Variants in TRIM62 observed in about 807,000 individuals in gnomAD.
The protein encoded by TRIM62 is tripartite motif containing 62, also known as E3 ubiquitin-protein ligase TRIM62.
Under a neutral mutation model 44.2 loss-of-function variants are expected in TRIM62, and 39 were observed. The ratio of observed to expected loss-of-function variants is 0.88; its 90% confidence interval spans 0.68 to 1.15. The LOEUF (loss-of-function observed/expected upper bound fraction) is 1.15, where lower values mean the gene tolerates loss of function less well. TRIM62 is among the 50% of genes most tolerant of loss of function. The pLI, the probability that TRIM62 is intolerant of heterozygous loss-of-function variation, is 0.00. For missense variants in TRIM62, 544 were observed against 665.5 expected (o/e 0.82, Z 2.01); for synonymous variants, 278 against 292.3 (o/e 0.95, Z 0.50).
chr1:33,173,610 AT>A (rs1254006945), intron 1 of TRIM62, among the ~76,000 whole-genome samples: 1 of 151,694 alleles, frequency 6.6e-6, no homozygotes, highest in East Asian at 1.9e-4. Context: ...TCACACTCAG[AT>A]AACCTGAGTT....
chr1:33,158,665 A>C (rs1046210089), intron 3 of TRIM62, among the ~76,000 whole-genome samples: 2 of 152,198 alleles, frequency 1.3e-5, no homozygotes, highest in African/African-American at 4.8e-5. Flanking sequence ...GTCAATGCCA[A>C]ATTCATGATC....
rs1306744515 is a variant in TRIM62 at position 33,180,776 on chromosome 1, A to G, written c.408+249T>C. Among the ~76,000 whole-genome samples, 9 of 151,116 alleles carry G rather than the reference A, an allele frequency of 6.0e-5. No homozygotes were observed. The East Asian group carries it at 1.7e-3, about 29-fold the overall frequency. On this transcript the variant is annotated intron_variant, in intron 1 of 4. Coordinates refer to ENST00000291416, the MANE Select transcript of TRIM62 (RefSeq NM_018207.3). ...TCTCCCTAACCGCGGACCAGCCGGT[A>G]CTCCAGGTCTGTCTCAGATCCCTCA...
chr1:33,159,029 G>T lies in TRIM62; in HGVS notation c.761+659C>A, dbSNP rs4045804. Among the ~76,000 whole-genome samples the T allele has an allele frequency of 6.6e-6, 1 of 151,824 alleles. No individual in the cohort carries two copies. The highest frequency in any genetic ancestry group is 1.9e-4 in the East Asian group (1 of 5,150). ...CTAATTTTTGTATTTTTTTTTAGTA[G>T]AGACGGGGTTTCACCATGTTAGTCA... is the stretch of plus-strand genomic sequence containing the variant. On this transcript the variant is annotated intron_variant, in intron 3 of 4. Transcript: ENST00000291416. The surrounding 1 kb of genome is among the most constrained non-coding windows in gnomAD (Gnocchi z 4.2).
At chr1:33,171,130 G>C (rs1266883670) in intron 1 of TRIM62, among the ~76,000 whole-genome samples, 1 of 152,096 alleles carries the variant, frequency 6.6e-6, no homozygotes, top group African/African-American at 2.4e-5. Flanking sequence ...GGGACTGACT[G>C]GCCCACGGCC....
At position 33,147,390 on chromosome 1, in the gene TRIM62, C is replaced by T. The variant is rs114280027; in HGVS notation, c.1215G>A (p.Thr405=). 79 of 1,614,170 alleles carry T rather than the reference C, an allele frequency of 4.9e-5. No homozygotes were observed. The highest frequency in any genetic ancestry group is 1.6e-4 in the African/African-American group (12 of 75,046). Residue 405 remains threonine (T), a synonymous_variant, in exon 5 of 5, where the codon ACG becomes ACA. Coordinates refer to ENST00000291416, the MANE Select transcript of TRIM62 (RefSeq NM_018207.3). This position sits in a 1 kb window ranked among gnomAD's most constrained non-coding sequence, Gnocchi z 8.1. ...NQYSACTEPW[T]RLNVRDKLDK... The stretch of plus-strand genomic sequence containing the variant: ...CAAGCTTGTCCCGGACGTTAAGCCG[C>T]GTCCAGGGCTCCGTGCAGGCGCTGT...
Position 33,177,063 on chromosome 1 carries a change from AC to A in TRIM62, c.408+3961del, listed in dbSNP as rs1315479952. ...TGCACACACACACGCACACACACACACATGCACACACACACATGCATGCACA... is the reference window on the plus strand; with the variant it reads ...TGCACACACACACGCACACACACACAATGCACACACACACATGCATGCACA... On this transcript the variant is annotated intron_variant, in intron 1 of 4. Transcript: ENST00000291416. This position sits in a 1 kb window ranked among gnomAD's most constrained non-coding sequence, Gnocchi z 4.1. Among the ~76,000 whole-genome samples the A allele has an allele frequency of 4.7e-5, 3 of 64,164 alleles. No individual in the cohort carries two copies. Among genetic ancestry groups the A allele is most frequent in the Non-Finnish European group, 7.1e-5 (2 of 28,124 alleles). 42.1% of individuals were successfully genotyped at this position (64,164 alleles called of 152,430 possible). A position where few individuals can be genotyped will look rare whatever the true frequency, so the allele number is the denominator to read the frequency against.
At position 33,181,766 on chromosome 1, in the gene TRIM62, G is replaced by A; in HGVS notation, c.-334C>T. ...GGGGGCGGGGCAGTCCTAAGGGATA[G>A]GAGCTGGGAGAAGGGGATCCCGGAG... On this transcript the variant is annotated 5_prime_UTR_variant, in exon 1 of 5. Coordinates refer to ENST00000291416, the MANE Select transcript of TRIM62 (RefSeq NM_018207.3). The surrounding 1 kb of genome is among the most constrained non-coding windows in gnomAD (Gnocchi z 6.5). 1 of 289,996 alleles carries A rather than the reference G, an allele frequency of 3.4e-6. No individual in the cohort carries two copies. The highest frequency in any genetic ancestry group is 6.5e-6 in the Non-Finnish European group (1 of 154,908). The allele number at this position is 289,996 out of a possible 1,614,324, so 18.0% of individuals were successfully genotyped here. A position where few individuals can be genotyped will look rare whatever the true frequency, so the allele number is the denominator to read the frequency against.
At chr1:33,154,044 A>C (rs1305434702) in intron 4 of TRIM62, among the ~76,000 whole-genome samples, 1 of 152,226 alleles carries the variant, frequency 6.6e-6, no homozygotes, top group Non-Finnish European at 1.5e-5. Flanking sequence ...AAGGAGAGTA[A>C]GAGTTGGCCA....
rs1164429146 is a variant in TRIM62 at position 33,159,741 on chromosome 1, C to T, written c.708G>A (p.Leu236=). 2 of 1,612,802 alleles carry T rather than the reference C, an allele frequency of 1.2e-6. No individual in the cohort carries two copies. Among genetic ancestry groups the T allele is most frequent in the Non-Finnish European group, 1.7e-6 (2 of 1,179,782 alleles). The part of the protein sequence containing the change: ...QEGAQILQER[L]AETDRHTFLA... ...GGAAGGTGTGCCGGTCGGTTTCAGC[C>T]AGCCGCTCCTGCAGGATCTGGGCTC... is the stretch of plus-strand genomic sequence containing the variant. Residue 236 remains leucine, a synonymous_variant, in exon 3 of 5, where the codon CTG becomes CTA. Coordinates refer to ENST00000291416, the MANE Select transcript of TRIM62 (RefSeq NM_018207.3). The surrounding 1 kb of genome is among the most constrained non-coding windows in gnomAD (Gnocchi z 4.2).
Position 33,158,238 on chromosome 1 carries a change from T to TA in TRIM62, c.877+14dup, listed in dbSNP as rs1645209087. The TA allele has an allele frequency of 6.2e-7, 1 of 1,606,744 alleles. No individual in the cohort carries two copies. The highest frequency in any genetic ancestry group is 1.1e-5 in the South Asian group (1 of 90,938). ...TGCCCCACCTAGCTCTGGACCATGA[T>TA]AACCCATGCCTTACCTGGGTGGATG... On this transcript the variant is annotated intron_variant, in intron 4 of 4. Transcript: ENST00000291416.
At chr1:33,176,684 C>T (rs1645422116) in intron 1 of TRIM62, 1 of 410,078 alleles carries the variant, frequency 2.4e-6, no homozygotes, top group African/African-American at 2.0e-5. Context: ...AGACAATTAC[C>T]CAGCCCTCAG....
intron 4 of TRIM62, among the ~76,000 whole-genome samples, chr1:33,156,708 T>G (rs1328237920): frequency 2.6e-5 from 4 of 152,330 alleles, no homozygotes; most frequent in Non-Finnish European, 5.9e-5. Context: ...CTGACCTTCC[T>G]TTTGTATTGC....
At chr1:33,153,450 T>A (rs1399933524) in intron 4 of TRIM62, among the ~76,000 whole-genome samples, 1 of 152,166 alleles carries the variant, frequency 6.6e-6, no homozygotes, top group African/African-American at 2.4e-5. Flanking sequence ...TCCAGAGACA[T>A]TTTTGGTTGT....
In TRIM62 at chr1:33,165,291, G is replaced by T; in HGVS notation, c.504+180C>A. 1.8e-6 allele frequency: 1 copy of T among 546,678 alleles called. No homozygotes were observed. Among genetic ancestry groups the T allele is most frequent in the Non-Finnish European group, 3.2e-6 (1 of 309,202 alleles). 33.9% of individuals were successfully genotyped at this position (546,678 alleles called of 1,614,324 possible). ...ATGATGGGGTGGGTGCCGCCCCATT[G>T]AACTTCACGGATGCCCTACCCTCTT... On this transcript the variant is annotated intron_variant, in intron 2 of 4. Coordinates refer to ENST00000291416, the MANE Select transcript of TRIM62 (RefSeq NM_018207.3). This position sits in a 1 kb window ranked among gnomAD's most constrained non-coding sequence, Gnocchi z 4.0.
chr1:33,157,092 C>G (rs1377602850), intron 4 of TRIM62, among the ~76,000 whole-genome samples: 3 of 151,942 alleles, frequency 2.0e-5, no homozygotes, highest in Admixed American at 2.0e-4. Context: ...TAAACCAGTT[C>G]ACGTCACTTC....
At position 33,161,430 on chromosome 1, in the gene TRIM62, A is replaced by G. The variant is rs1645265417; in HGVS notation, c.505-1486T>C. 6.6e-6 allele frequency among the ~76,000 whole-genome samples: 1 copy of G among 152,142 alleles called. No homozygotes were observed. Among genetic ancestry groups the G allele is most frequent in the Non-Finnish European group, 1.5e-5 (1 of 68,014 alleles). On this transcript the variant is annotated intron_variant, in intron 2 of 4. Transcript: ENST00000291416. This position sits in a 1 kb window ranked among gnomAD's most constrained non-coding sequence, Gnocchi z 4.3. Reference sequence around the variant, plus strand: ...CTGGCTGGGAGTTCATGGAGTCAGAAACCCCACTGTGTTCAGTGCCCAGGG... The same window carrying G: ...CTGGCTGGGAGTTCATGGAGTCAGAGACCCCACTGTGTTCAGTGCCCAGGG...
intron 4 of TRIM62, among the ~76,000 whole-genome samples, chr1:33,157,031 C>T (rs760859570): frequency 2.0e-5 from 3 of 149,640 alleles, no homozygotes; most frequent in Non-Finnish European, 4.5e-5. Context: ...CCATCCTTCA[C>T]CCCCTTCGGT....
At chr1:33,158,578 A>G (rs1645214191) in intron 3 of TRIM62, among the ~76,000 whole-genome samples, 1 of 152,208 alleles carries the variant, frequency 6.6e-6, no homozygotes, top group South Asian at 2.1e-4. Flanking sequence ...GTGCTATGCT[A>G]GCATCAGCCT....
chr1:33,175,164 G>A (rs573708898), intron 1 of TRIM62, among the ~76,000 whole-genome samples: 48 of 151,518 alleles, frequency 3.2e-4, no homozygotes, highest in African/African-American at 1.1e-3. Context: ...TCAGCCTCCC[G>A]AGTAGCTGGG....
Sources: gnomAD v4.1 joint callset for allele counts (sites outside exome capture counted in the v4.1 genomes callset) on GRCh38, gnomAD v4.1.1 for gene constraint, Gnocchi (gnomAD v3.1) non-coding constraint, MANE v1.5 for transcripts, NCBI Gene and HGNC (gene_info 2026-07-23, HGNC 2026-07-21) for gene names.